TRMT10A: variants seen among roughly 807,000 people sequenced by gnomAD.
TRMT10A encodes tRNA methyltransferase 10 homolog A.
Under a neutral mutation model 40.4 loss-of-function variants are expected in TRMT10A, and 37 were observed. The observed-to-expected ratio is 0.92, with a 90% CI of 0.71 to 1.21. The LOEUF (loss-of-function observed/expected upper bound fraction) is 1.21. Ranked by LOEUF, TRMT10A falls within the 50% of genes most tolerant of loss-of-function variation. The pLI is 0.00. For missense variants in TRMT10A, 388 were observed against 404.3 expected (o/e 0.96, Z 0.35); for synonymous variants, 103 against 134.1 (o/e 0.77, Z 1.60).
chr4:99,551,044 T>C, intron 6 of TRMT10A, 54 bp from the exon 7 acceptor site: 1 of 1,237,216 alleles, frequency 8.1e-7, no homozygotes, highest in Non-Finnish European at 1.1e-6. Flanking sequence ...TTAAAGTTTC[T>C]GTAATAGTAT....
chr4:99,558,876 G>T (rs1724269362), intron 2 of TRMT10A, among the ~76,000 whole-genome samples: 1 of 152,078 alleles, frequency 6.6e-6, no homozygotes, highest in East Asian at 1.9e-4. Flanking sequence ...ATAAGGTTCT[G>T]CATTAGAAAA....
chr4:99,558,434 A>T (rs1054088077), intron 2 of TRMT10A, among the ~76,000 whole-genome samples: 2 of 152,088 alleles, frequency 1.3e-5, no homozygotes, highest in Non-Finnish European at 2.9e-5. Context: ...AAAGCTTTCT[A>T]TCTAAATCCT....
In TRMT10A at chr4:99,547,430, T is replaced by G. The variant is rs932097810; in HGVS notation, c.*1658A>C. 6.6e-6 allele frequency: 1 copy of G among 152,150 alleles called. No individual in the cohort carries two copies. Among genetic ancestry groups the G allele is most frequent in the Non-Finnish European group, 1.5e-5 (1 of 68,014 alleles). The allele number at this position is 152,150 out of a possible 1,614,324, so 9.4% of individuals were successfully genotyped here. A position where few individuals can be genotyped will look rare whatever the true frequency, so the allele number is the denominator to read the frequency against. On this transcript the variant is annotated 3_prime_UTR_variant, in exon 8 of 8. Transcript: ENST00000394876. ...GCACATCTAGGAAACTAATACAGAG[T>G]TTTTTATAATTAATAAAAATTAAAC...
chr4:99,562,201 A>ATATATGTGTGTG lies in TRMT10A; in HGVS notation c.-24+1711_-24+1712insCACACACATATA, dbSNP rs374134499. Among the ~76,000 whole-genome samples, 564 of 136,164 alleles carry ATATATGTGTGTG rather than the reference A, an allele frequency of 4.1e-3. 2 individuals carry two copies. Among genetic ancestry groups the ATATATGTGTGTG allele is most frequent in the African/African-American group, 0.014 (477 of 35,064 alleles). The allele number at this position is 136,164 out of a possible 152,430, so 89.3% of individuals were successfully genotyped here. Reference sequence around the variant, plus strand: ...AAAAAAAAAAATTATATATATATATATGTGTGTGTGTGTGTGTGTGTGTGT... The same window carrying ATATATGTGTGTG: ...AAAAAAAAAAATTATATATATATATATATATGTGTGTGTGTGTGTGTGTGTGTGTGTGTGTGT... On this transcript the variant is annotated intron_variant, in intron 1 of 7. Transcript: ENST00000394876.
intron 6 of TRMT10A, among the ~76,000 whole-genome samples, chr4:99,553,418 T>C (rs1560599503): frequency 6.6e-6 from 1 of 152,204 alleles, no homozygotes; most frequent in African/African-American, 2.4e-5. Flanking sequence ...GGCTTAGCAA[T>C]TGATTAGCAG....
At chr4:99,563,249 G>A (rs979462632) in intron 1 of TRMT10A, 1 of 152,552 alleles carries the variant, frequency 6.6e-6, no homozygotes, top group Non-Finnish European at 1.5e-5. Context: ...CTTTCAGAAA[G>A]TGACAAGTAA....
At chr4:99,563,620 C>G (rs1391293307) in intron 1 of TRMT10A, 2 of 268,476 alleles carry the variant, frequency 7.4e-6, no homozygotes, top group East Asian at 2.1e-4. Flanking sequence ...CGCCCCACCA[C>G]GGGGCGGAGC....
Position 99,560,061 on chromosome 4 carries a change from C to A in TRMT10A, c.-23-700G>T, listed in dbSNP as rs542040099. 5.3e-5 allele frequency among the ~76,000 whole-genome samples: 8 copies of A among 151,972 alleles called. No homozygotes were observed. In the South Asian group the frequency reaches 1.5e-3, roughly 28 times the overall value. On this transcript the variant is annotated intron_variant, in intron 1 of 7. Coordinates refer to ENST00000394876, the MANE Select transcript of TRMT10A (RefSeq NM_001134665.3). ...AATTTTAAAAAGAGATGAAAAGCAT[C>A]TTTTCTATAGTCTTTTTTAATGCTG...
chr4:99,557,499 G>T (rs753419579), intron 3 of TRMT10A, 83 bp from the exon 4 acceptor site: 5 of 1,197,866 alleles, frequency 4.2e-6, no homozygotes, highest in Non-Finnish European at 6.0e-6. Context: ...GGAATAAGCA[G>T]AAGGGATGAC....
chr4:99,552,201 T>A (rs1439700453), intron 6 of TRMT10A, among the ~76,000 whole-genome samples: 1 of 152,216 alleles, frequency 6.6e-6, no homozygotes, highest in African/African-American at 2.4e-5. Flanking sequence ...CAGTGTACAG[T>A]AATATCCAGG....
chr4:99,558,643 A>G (rs1018955152), intron 2 of TRMT10A, among the ~76,000 whole-genome samples: 8 of 152,104 alleles, frequency 5.3e-5, no homozygotes, highest in Non-Finnish European at 8.8e-5. Context: ...AATTTACACC[A>G]ACTACAGTTT....
At chr4:99,556,706 A>T (rs1292554599) in intron 4 of TRMT10A, among the ~76,000 whole-genome samples, 2 of 152,192 alleles carry the variant, frequency 1.3e-5, no homozygotes. Context: ...AAGTATAAAA[A>T]ACAAAAATAC....
In TRMT10A at chr4:99,558,192, G is replaced by T; in HGVS notation, c.205C>A (p.Arg69Ser). The T allele has an allele frequency of 6.3e-7, 1 of 1,595,034 alleles. No individual in the cohort carries two copies. The highest frequency in any genetic ancestry group is 8.5e-7 in the Non-Finnish European group (1 of 1,174,676). ...TGTCGCTCTAATTTTTTCCTCTTGC[G>T]TTTTTCTTTTCGCTTTTGTCTAAAA... ...ELRKQKRKEK[R>S]KRKKLERQCQ... The change falls in exon 3 of 8, where the codon CGC becomes AGC. Residue 69 changes from arginine (R) to serine (S), a missense_variant. Physicochemically the swap from Arg to Ser is moderately radical, Grantham distance 110 (BLOSUM62 -1). Transcript: ENST00000394876.
At chr4:99,560,867 C>T (rs1355218135) in intron 1 of TRMT10A, among the ~76,000 whole-genome samples, 1 of 151,900 alleles carries the variant, frequency 6.6e-6, no homozygotes, top group Non-Finnish European at 1.5e-5. Context: ...CAAGAGAGTA[C>T]ATTTCTGTTT....
intron 6 of TRMT10A, among the ~76,000 whole-genome samples, chr4:99,551,228 CAA>C (rs1003615426): frequency 1.3e-5 from 2 of 152,064 alleles, no homozygotes; most frequent in Non-Finnish European, 2.9e-5. Context: ...ATGAGGAAAC[CAA>C]AGACATTATG....
At chr4:99,552,693 CTTGAA>C in intron 6 of TRMT10A, among the ~76,000 whole-genome samples, 1 of 152,046 alleles carries the variant, frequency 6.6e-6, no homozygotes, top group South Asian at 2.1e-4. Flanking sequence ...TAAATGAAAA[CTTGAA>C]TTGAGAAATT....
chr4:99,562,415 G>A (rs781076200), intron 1 of TRMT10A, among the ~76,000 whole-genome samples: 49 of 150,144 alleles, frequency 3.3e-4, no homozygotes, highest in Non-Finnish European at 5.2e-4. Flanking sequence ...ATAAATAATC[G>A]TCGTTAATTT....
At chr4:99,549,659 C>T (rs1275312434) in intron 7 of TRMT10A, among the ~76,000 whole-genome samples, 2 of 152,188 alleles carry the variant, frequency 1.3e-5, no homozygotes, top group Non-Finnish European at 2.9e-5. Context: ...TTAGCCCCTT[C>T]ACATCTTTAT....
chr4:99,562,187 T>TTA (rs989324185), intron 1 of TRMT10A, among the ~76,000 whole-genome samples: 2,000 of 137,044 alleles, frequency 0.015, 24 homozygotes, highest in Middle Eastern at 0.036. Flanking sequence ...AAAAAAAAAA[T>TTA]TATATATATA....
Sources: gnomAD v4.1 joint callset for allele counts (sites outside exome capture counted in the v4.1 genomes callset) on GRCh38, gnomAD v4.1.1 for gene constraint, MANE v1.5 for transcripts, NCBI Gene and HGNC (gene_info 2026-07-23, HGNC 2026-07-21) for gene names.